TLE1: variants seen among roughly 807,000 people sequenced by gnomAD.
TLE1 encodes transducin-like enhancer protein 1.
Under a neutral mutation model 89.8 loss-of-function variants are expected in TLE1, and 21 were observed. The observed-to-expected ratio is 0.23, with a 90% confidence interval of 0.17 to 0.34. TLE1 has a LOEUF of 0.34. TLE1 is among the 10% of genes least tolerant of loss of function. The pLI, the probability that TLE1 is intolerant of heterozygous loss-of-function variation, is 1.00. For synonymous variants in TLE1, 447 were observed against 407.6 expected (o/e 1.10, Z -1.16); for missense variants, 795 against 1,031.2 (o/e 0.77, Z 3.14).
chr9:81,615,749 G>T (rs1824425166), intron 11 of TLE1, among the ~76,000 whole-genome samples: 1 of 150,776 alleles, frequency 6.6e-6, no homozygotes, highest in Admixed American at 6.6e-5. Context: ...GAAGAAGAAG[G>T]CAATGAACAC....
intron 4 of TLE1, among the ~76,000 whole-genome samples, chr9:81,658,305 G>A (rs556767714): frequency 6.6e-6 from 1 of 152,278 alleles, no homozygotes; most frequent in African/African-American, 2.4e-5. Context: ...AGGGCCGACT[G>A]TACTATGTAA....
intron 14 of TLE1, among the ~76,000 whole-genome samples, chr9:81,609,602 A>G (rs1449624085): frequency 6.6e-6 from 1 of 152,178 alleles, no homozygotes; most frequent in Non-Finnish European, 1.5e-5. Flanking sequence ...TGTGCACTGG[A>G]CACAAAATGA....
Position 81,619,418 on chromosome 9 carries a change from A to T in TLE1, c.711+1023T>A, listed in dbSNP as rs192831302. Among the ~76,000 whole-genome samples, 79 of 152,330 alleles carry T rather than the reference A, an allele frequency of 5.2e-4. 1 individual carries two copies. The East Asian group carries it at 0.014, about 26-fold the overall frequency. On this transcript the variant is annotated intron_variant, in intron 9 of 19. Coordinates refer to ENST00000376499, the MANE Select transcript of TLE1 (RefSeq NM_005077.5). ...GGCTCCAGCAAATCACTGGGATGTT[A>T]TAAGAGTTAAATGAAATAATCCATG... is the stretch of plus-strand genomic sequence containing the variant.
chr9:81,594,255 G>A (rs915449950), intron 14 of TLE1, among the ~76,000 whole-genome samples: 2 of 152,112 alleles, frequency 1.3e-5, no homozygotes, highest in African/African-American at 4.8e-5. Flanking sequence ...ATCAATTGCT[G>A]GATAGCAAAG....
intron 9 of TLE1, 45 bp downstream of exon 9, chr9:81,620,396 A>T (rs1476116401): frequency 9.2e-6 from 13 of 1,405,606 alleles, no homozygotes; most frequent in Non-Finnish European, 1.3e-5. Context: ...TACTCAGGTG[A>T]GCAGTAAGCA....
chr9:81,627,318 C>CTT (rs56255759), intron 8 of TLE1, among the ~76,000 whole-genome samples: 3,478 of 147,666 alleles, frequency 0.024, 141 homozygotes, highest in African/African-American at 0.078. Flanking sequence ...TGTTCTCTCA[C>CTT]TTTTTTTTTT....
chr9:81,684,481 T>C (rs550284944), intron 4 of TLE1, among the ~76,000 whole-genome samples: 31 of 152,184 alleles, frequency 2.0e-4, no homozygotes, highest in Non-Finnish European at 4.3e-4. Context: ...ATGAAATCTA[T>C]GATGAATTAA....
At chr9:81,613,140 C>T (rs944592) in intron 12 of TLE1, among the ~76,000 whole-genome samples, 31,093 of 152,166 alleles carry the variant, frequency 0.2, 6,261 homozygotes, top group East Asian at 0.55. Flanking sequence ...AGCGAGACTT[C>T]GTCTCAAGAA....
In TLE1 at chr9:81,593,068, C is replaced by G; in HGVS notation, c.1538G>C (p.Ser513Thr). The G allele has an allele frequency of 6.2e-7, 1 of 1,613,942 alleles. No individual in the cohort carries two copies. The highest frequency in any genetic ancestry group is 8.5e-7 in the Non-Finnish European group (1 of 1,179,888). ...GACAGGGCTCTTATTGCCAGGGTGG[C>G]TGATGTCCCAGACCTTGACGCAGCC... is the stretch of plus-strand genomic sequence containing the variant. ...GKGCVKVWDI[S>T]HPGNKSPVSQ... The change falls in exon 15 of 20, where the codon AGC becomes ACC. Residue 513 changes from serine to threonine, a missense_variant. Ser to Thr is a moderately conservative substitution (Grantham distance 58, BLOSUM62 1). Transcript: ENST00000376499.
At chr9:81,680,882 G>GA (rs11322598) in intron 4 of TLE1, among the ~76,000 whole-genome samples, 29 of 148,318 alleles carry the variant, frequency 2.0e-4, no homozygotes, top group Middle Eastern at 7.0e-3. Context: ...GACTTAGGGG[G>GA]AAAAAAAATC....
intron 1 of TLE1, 43 bp from the exon 2 acceptor site, chr9:81,687,477 G>C (rs917525373): frequency 2.7e-6 from 4 of 1,486,072 alleles, no homozygotes; most frequent in Non-Finnish European, 2.8e-6. Context: ...GGGAATGCGG[G>C]CGGATGAATA....
In TLE1 at chr9:81,653,993, A is replaced by G. The variant is rs1264749668; in HGVS notation, c.278T>C (p.Ile93Thr). ...KRLNTICAQV[I>T]PFLSQEHQQQ... ...ACTTACTTCCTGAGACAGAAATGGG[A>G]TGACTTGTGCACAAATCGTATTCAA... Residue 93 changes from isoleucine to threonine, a missense_variant, in exon 5 of 20, where the codon ATC becomes ACC. Coordinates refer to ENST00000376499, the MANE Select transcript of TLE1 (RefSeq NM_005077.5). 6 of 1,614,076 alleles carry G rather than the reference A, an allele frequency of 3.7e-6. No homozygotes were observed. Among genetic ancestry groups the G allele is most frequent in the Non-Finnish European group, 5.1e-6 (6 of 1,179,980 alleles).
In TLE1 at chr9:81,680,596, T is replaced by C. The variant is rs537344598; in HGVS notation, c.234+5080A>G. Among the ~76,000 whole-genome samples, 4 of 152,238 alleles carry C rather than the reference T, an allele frequency of 2.6e-5. No individual in the cohort carries two copies. In the East Asian group the frequency reaches 7.7e-4, roughly 29 times the overall value. On this transcript the variant is annotated intron_variant, in intron 4 of 19. Transcript: ENST00000376499. ...CAAAAACCAGCCACTGGCCCACTGC[T>C]GAAGGGTGGGGAAGGTGACTGAGAG... is the stretch of plus-strand genomic sequence containing the variant.
intron 4 of TLE1, among the ~76,000 whole-genome samples, chr9:81,668,384 A>AAAAT (rs1831772449): frequency 6.6e-6 from 1 of 152,196 alleles, no homozygotes; most frequent in Admixed American, 6.5e-5. Context: ...AGATTATTTT[A>AAAAT]AGTATTTAGA....
intron 6 of TLE1, among the ~76,000 whole-genome samples, chr9:81,651,848 G>C (rs1201956566): frequency 6.6e-6 from 1 of 152,052 alleles, no homozygotes; most frequent in African/African-American, 2.4e-5. Flanking sequence ...GACGGGCAAG[G>C]GGGTGCCTGC....
intron 13 of TLE1, 21 bp from the exon 14 acceptor site, chr9:81,610,317 T>C (rs1194460372): frequency 5.6e-6 from 9 of 1,599,176 alleles, no homozygotes; most frequent in Non-Finnish European, 6.9e-6. Flanking sequence ...AAATAAGGCA[T>C]TGCAGACTCA....
intron 6 of TLE1, among the ~76,000 whole-genome samples, chr9:81,638,063 T>G (rs1827632344): frequency 6.6e-6 from 1 of 152,108 alleles, no homozygotes; most frequent in South Asian, 2.1e-4. Context: ...ACTTCGCATT[T>G]CCCCCACTGC....
Position 81,590,683 on chromosome 9 carries a change from C to A in TLE1, c.1829+122G>T, listed in dbSNP as rs578131947. On this transcript the variant is annotated intron_variant, in intron 16 of 19. Transcript: ENST00000376499. ...TTGTCTTTGTTCCCTCATCACCTAG[C>A]CCCATGCCTGGCATTCAAGAGGCTC... is the stretch of plus-strand genomic sequence containing the variant. 16 of 1,497,080 alleles carry A rather than the reference C, an allele frequency of 1.1e-5. No homozygotes were observed. The East Asian group carries it at 3.4e-4, about 32-fold the overall frequency. The allele number at this position is 1,497,080 out of a possible 1,614,324, so 92.7% of individuals were successfully genotyped here.
At position 81,673,203 on chromosome 9, in the gene TLE1, G is replaced by A. The variant is rs1442532414; in HGVS notation, c.234+12473C>T. On this transcript the variant is annotated intron_variant, in intron 4 of 19. Transcript: ENST00000376499. ...CAACAGAATCGCTTGAACCTGGGAGGTGGAGGTTGCAGTGAACCAAGATTG... is the reference window on the plus strand; with the variant it reads ...CAACAGAATCGCTTGAACCTGGGAGATGGAGGTTGCAGTGAACCAAGATTG... 4.6e-5 allele frequency among the ~76,000 whole-genome samples: 7 copies of A among 150,740 alleles called. No individual in the cohort carries two copies. The South Asian group carries it at 8.4e-4, about 18-fold the overall frequency.
Sources: gnomAD v4.1 joint callset for allele counts (sites outside exome capture counted in the v4.1 genomes callset) on GRCh38, gnomAD v4.1.1 for gene constraint, MANE v1.5 for transcripts, NCBI Gene and HGNC (gene_info 2026-07-23, HGNC 2026-07-21) for gene names.